Variants in DHRS13 observed in about 807,000 individuals in gnomAD.
DHRS13 encodes dehydrogenase/reductase 13, also known as dehydrogenase/reductase SDR family member 13.
Under a neutral mutation model 17.9 loss-of-function variants are expected in DHRS13, and 22 were observed. That is an observed-to-expected ratio of 1.23 (90% CI 0.88 to 1.75). The LOEUF (loss-of-function observed/expected upper bound fraction) is 1.75. DHRS13 is among the 40% of genes most tolerant of loss of function. DHRS13 has a pLI of 0.00. For missense variants in DHRS13, 483 were observed against 519.9 expected (o/e 0.93, Z 0.69); for synonymous variants, 206 against 220.4 (o/e 0.93, Z 0.58).
chr17:28,898,624 C>G lies in DHRS13; in HGVS notation c.951G>C (p.Glu317Asp). The G allele has an allele frequency of 1.2e-6, 2 of 1,613,674 alleles. No individual in the cohort carries two copies. Among genetic ancestry groups the G allele is most frequent in the Non-Finnish European group, 1.7e-6 (2 of 1,179,888 alleles). ...SKRLAGLGPG[E>D]DAEPDEDPQS... ...GGGGGTCTTCATCGGGTTCAGCATC[C>G]TCCCCAGGCCCAAGCCCTGCCAGCC... Residue 317 changes from glutamate (E) to aspartate (D), a missense_variant, in exon 5 of 5, where the codon GAG becomes GAC. Transcript: ENST00000378895.
chr17:28,898,466 A>G lies in DHRS13; in HGVS notation c.1109T>C (p.Val370Ala). The change falls in exon 5 of 5, where the codon GTT becomes GCT. Residue 370 changes from valine (V) to alanine (A), a missense_variant. Transcript: ENST00000378895. Reference sequence around the variant, plus strand: ...TTAGGAGAGCTGGATCTCAGGCTCAACTTTAGCCTGAATTCGGTGCGTCAT... The same window carrying G: ...TTAGGAGAGCTGGATCTCAGGCTCAGCTTTAGCCTGAATTCGGTGCGTCAT... ...SKMTHRIQAKVEPEIQLS is the reference protein window; with the variant it reads ...SKMTHRIQAKAEPEIQLS The G allele has an allele frequency of 1.9e-6, 3 of 1,564,108 alleles. No homozygotes were observed. Among genetic ancestry groups the G allele is most frequent in the Non-Finnish European group, 2.6e-6 (3 of 1,153,598 alleles).
rs2039780884 is a variant in DHRS13 at position 28,898,673 on chromosome 17, T to C, written c.902A>G (p.His301Arg). The C allele has an allele frequency of 6.2e-7, 1 of 1,613,650 alleles. No homozygotes were observed. Among genetic ancestry groups the C allele is most frequent in the Non-Finnish European group, 8.5e-7 (1 of 1,179,820 alleles). Residue 301 changes from histidine to arginine, a missense_variant, in exon 5 of 5, where the codon CAT becomes CGT. Physicochemically the swap from His to Arg is conservative, Grantham distance 29. Coordinates refer to ENST00000378895, the MANE Select transcript of DHRS13 (RefSeq NM_144683.4). ...CCTCTTGCTGGCCTCCCATAGCCGA[T>C]GGGCTGCCCGGTCGTCTCGGGCAGC... ...PPAARDDRAA[H>R]RLWEASKRLA...
Position 28,901,836 on chromosome 17 carries a change from C to T in DHRS13, c.247-220G>A, listed in dbSNP as rs1032462269. The T allele has an allele frequency of 1.3e-5, 8 of 639,392 alleles. No homozygotes were observed. The highest frequency in any genetic ancestry group is 2.1e-5 in the Non-Finnish European group (8 of 387,262). The allele number at this position is 639,392 out of a possible 1,614,324, so 39.6% of individuals were successfully genotyped here. On this transcript the variant is annotated intron_variant, in intron 2 of 4. Transcript: ENST00000378895. The surrounding 1 kb of genome is among the most constrained non-coding windows in gnomAD (Gnocchi z 4.3). ...TAATCTCTCTGGGTCTCAGTTCTCT[C>T]ACTGCGTAAAGGGAATAATAATAAC...
chr17:28,902,466 G>A lies in DHRS13; in HGVS notation c.246+117C>T. On this transcript the variant is annotated intron_variant, in intron 2 of 4. Transcript: ENST00000378895. The surrounding 1 kb of genome is among the most constrained non-coding windows in gnomAD (Gnocchi z 4.0). ...TCCGTGCACTCCCTCTTCGCGCTCA[G>A]CCGCCCGCGCCGCGCTCTCCTCCCT... is the stretch of plus-strand genomic sequence containing the variant. 9.0e-7 allele frequency: 1 copy of A among 1,115,114 alleles called. No homozygotes were observed. The highest frequency in any genetic ancestry group is 1.2e-6 in the Non-Finnish European group (1 of 845,760). The allele number at this position is 1,115,114 out of a possible 1,614,324, so 69.1% of individuals were successfully genotyped here.
rs1432703890 is a variant in DHRS13 at position 28,898,808 on chromosome 17, C to T, written c.767G>A (p.Arg256Gln). Residue 256 changes from arginine (R) to glutamine (Q), a missense_variant, in exon 5 of 5, where the codon CGG (arginine) becomes CAG (glutamine). Physicochemically the swap from Arg to Gln is conservative, Grantham distance 43 (BLOSUM62 1). Transcript: ENST00000378895. Reference sequence around the variant, plus strand: ...TGTCTGGGCACCCCCTCTTGGTGCCCGGAGCACCAGCCAAGCCAATGGGCG... The same window carrying T: ...TGTCTGGGCACCCCCTCTTGGTGCCTGGAGCACCAGCCAAGCCAATGGGCG... ...LLRPLAWLVL[R>Q]APRGGAQTPL... 41 of 1,609,092 alleles carry T rather than the reference C, an allele frequency of 2.5e-5. No homozygotes were observed. Among genetic ancestry groups the T allele is most frequent in the African/African-American group, 9.4e-5 (7 of 74,774 alleles).
rs534748919 is a variant in DHRS13, at chr17:28,901,014, C to T, written c.658G>A (p.Val220Ile). ...ELANQLEATG[V>I]TCYAAHPGPV... The stretch of plus-strand genomic sequence containing the variant: ...CCTGGGTGGGCTGCATAGCAGGTGA[C>T]GCCAGTGGCCTCAAGCTGGTTGGCG... The change falls in exon 4 of 5, where the codon GTC becomes ATC. Residue 220 changes from valine (V) to isoleucine (I), a missense_variant. Coordinates refer to ENST00000378895, the MANE Select transcript of DHRS13 (RefSeq NM_144683.4). This position sits in a 1 kb window ranked among gnomAD's most constrained non-coding sequence, Gnocchi z 4.3. 2.5e-5 allele frequency: 40 copies of T among 1,604,876 alleles called. No individual in the cohort carries two copies. Among genetic ancestry groups the T allele is most frequent in the South Asian group, 3.3e-5 (3 of 90,042 alleles).
Position 28,902,418 on chromosome 17 carries a change from C to T in DHRS13, c.246+165G>A, listed in dbSNP as rs1156853563. Among the ~76,000 whole-genome samples the T allele has an allele frequency of 6.6e-6, 1 of 152,230 alleles. No individual in the cohort carries two copies. Among genetic ancestry groups the T allele is most frequent in the Non-Finnish European group, 1.5e-5 (1 of 68,046 alleles). On this transcript the variant is annotated intron_variant, in intron 2 of 4. Coordinates refer to ENST00000378895, the MANE Select transcript of DHRS13 (RefSeq NM_144683.4). This position sits in a 1 kb window ranked among gnomAD's most constrained non-coding sequence, Gnocchi z 4.0. ...CCCTCCCCCACTCGGCTCTGGTGCG[C>T]CTTCCTCGGGTGACCCCAGCGCTCC... is the stretch of plus-strand genomic sequence containing the variant.
In DHRS13 at chr17:28,901,792, T is replaced by A. The variant is rs549407210; in HGVS notation, c.247-176A>T. ...CCTGACTTTGCCTTTTACTAAAGTG[T>A]GACCTTGGGCAAGATACTTAATCTC... On this transcript the variant is annotated intron_variant, in intron 2 of 4. Transcript: ENST00000378895. The surrounding 1 kb of genome is among the most constrained non-coding windows in gnomAD (Gnocchi z 4.3). 135 of 1,057,872 alleles carry A rather than the reference T, an allele frequency of 1.3e-4. No homozygotes were observed. The highest frequency in any genetic ancestry group is 1.6e-5 in the Non-Finnish European group (12 of 758,228). The allele number at this position is 1,057,872 out of a possible 1,614,324, so 65.5% of individuals were successfully genotyped here.
rs1235604301 is a variant in DHRS13 at position 28,899,915 on chromosome 17, C to CT, written c.683-1024dup. ...TAGAGACAGGTTTTCTTTTTTTTTT[C>CT]TTTTTTCTTTTTTTTTGAGATGGAG... On this transcript the variant is annotated intron_variant, in intron 4 of 4. Transcript: ENST00000378895. The surrounding 1 kb of genome is among the most constrained non-coding windows in gnomAD (Gnocchi z 4.7). Among the ~76,000 whole-genome samples the CT allele has an allele frequency of 6.7e-6, 1 of 148,208 alleles. No individual in the cohort carries two copies. Among genetic ancestry groups the CT allele is most frequent in the Non-Finnish European group, 1.5e-5 (1 of 66,930 alleles).
Position 28,902,714 on chromosome 17 carries a change from G to A in DHRS13, c.128-13C>T. On this transcript the variant is annotated splice_polypyrimidine_tract_variant and intron_variant, in intron 1 of 4. Coordinates refer to ENST00000378895, the MANE Select transcript of DHRS13 (RefSeq NM_144683.4). This position sits in a 1 kb window ranked among gnomAD's most constrained non-coding sequence, Gnocchi z 4.0. Reference sequence around the variant, plus strand: ...CCGCTGTTGGCGCCTGCGGACCGCGGGCGGGAGCCGAGCTGAGCTGAGCCC... The same window carrying A: ...CCGCTGTTGGCGCCTGCGGACCGCGAGCGGGAGCCGAGCTGAGCTGAGCCC... 2 of 1,354,668 alleles carry A rather than the reference G, an allele frequency of 1.5e-6. No individual in the cohort carries two copies. The highest frequency in any genetic ancestry group is 1.8e-5 in the South Asian group (1 of 55,748). 83.9% of individuals were successfully genotyped at this position (1,354,668 alleles called of 1,614,324 possible).
chr17:28,902,849 G>T lies in DHRS13; in HGVS notation c.96C>A (p.Gly32=), dbSNP rs374516726. The T allele has an allele frequency of 7.7e-6, 12 of 1,550,112 alleles. No individual in the cohort carries two copies. The African/African-American group carries it at 1.4e-4, about 18-fold the overall frequency. ...LVKAPPCGGM[G]NLRGRTAVVT... ...CCACGGCCGTGCGGCCCCGCAGGTT[G>T]CCCATGCCGCCGCACGGCGGGGCCT... Residue 32 remains glycine (G), a synonymous_variant, in exon 1 of 5, where the codon GGC becomes GGA. Transcript: ENST00000378895. This position sits in a 1 kb window ranked among gnomAD's most constrained non-coding sequence, Gnocchi z 4.0.
At position 28,902,606 on chromosome 17, in the gene DHRS13, C is replaced by T. The variant is rs775793723; in HGVS notation, c.223G>A (p.Ala75Thr). ...ACCTGGCGGAGGTCGAAGGCAGCCG[C>T]CTCCCCGCGCTCCTGGCTGCGGCAG... ...LACRSQERGEAAAFDLRQESG... is the reference protein window; with the variant it reads ...LACRSQERGETAAFDLRQESG... The change falls in exon 2 of 5, where the codon GCG becomes ACG. Residue 75 changes from alanine to threonine, a missense_variant. Transcript: ENST00000378895. The surrounding 1 kb of genome is among the most constrained non-coding windows in gnomAD (Gnocchi z 4.0). The T allele has an allele frequency of 1.4e-6, 2 of 1,476,934 alleles. No homozygotes were observed. Among genetic ancestry groups the T allele is most frequent in the Non-Finnish European group, 1.8e-6 (2 of 1,122,500 alleles). The allele number at this position is 1,476,934 out of a possible 1,614,324, so 91.5% of individuals were successfully genotyped here.
Position 28,901,820 on chromosome 17 carries a change from TG to T in DHRS13, c.247-205del, listed in dbSNP as rs1598109448. The stretch of plus-strand genomic sequence containing the variant: ...CCTTGGGCAAGATACTTAATCTCTC[TG>T]GGTCTCAGTTCTCTCACTGCGTAAA... On this transcript the variant is annotated intron_variant, in intron 2 of 4. Transcript: ENST00000378895. This position sits in a 1 kb window ranked among gnomAD's most constrained non-coding sequence, Gnocchi z 4.3. 1 of 729,876 alleles carries T rather than the reference TG, an allele frequency of 1.4e-6. No individual in the cohort carries two copies. The highest frequency in any genetic ancestry group is 2.8e-5 in the East Asian group (1 of 35,278). The allele number at this position is 729,876 out of a possible 1,614,324, so 45.2% of individuals were successfully genotyped here.
At position 28,901,813 on chromosome 17, in the gene DHRS13, ATC is replaced by A; in HGVS notation, c.247-199_247-198del. On this transcript the variant is annotated intron_variant, in intron 2 of 4. Coordinates refer to ENST00000378895, the MANE Select transcript of DHRS13 (RefSeq NM_144683.4). This position sits in a 1 kb window ranked among gnomAD's most constrained non-coding sequence, Gnocchi z 4.3. The stretch of plus-strand genomic sequence containing the variant: ...AGTGTGACCTTGGGCAAGATACTTA[ATC>A]TCTCTGGGTCTCAGTTCTCTCACTG... The A allele has an allele frequency of 1.3e-6, 1 of 795,538 alleles. No homozygotes were observed. Among genetic ancestry groups the A allele is most frequent in the South Asian group, 1.9e-5 (1 of 52,558 alleles). 49.3% of individuals were successfully genotyped at this position (795,538 alleles called of 1,614,324 possible). A position where few individuals can be genotyped will look rare whatever the true frequency, so the allele number is the denominator to read the frequency against.
At position 28,898,451 on chromosome 17, in the gene DHRS13, T is replaced by C; in HGVS notation, c.1124A>G (p.Gln375Arg). The C allele has an allele frequency of 5.8e-6, 9 of 1,556,370 alleles. No homozygotes were observed. Among genetic ancestry groups the C allele is most frequent in the Non-Finnish European group, 7.8e-6 (9 of 1,149,478 alleles). Reference sequence around the variant, plus strand: ...ATCCTGGCCTGAGGGTTAGGAGAGCTGGATCTCAGGCTCAACTTTAGCCTG... The same window carrying C: ...ATCCTGGCCTGAGGGTTAGGAGAGCCGGATCTCAGGCTCAACTTTAGCCTG... ...RIQAKVEPEIQLS is the reference protein window; with the variant it reads ...RIQAKVEPEIRLS The change falls in exon 5 of 5, where the codon CAG becomes CGG. Residue 375 changes from glutamine to arginine, a missense_variant. Transcript: ENST00000378895.
At position 28,898,562 on chromosome 17, in the gene DHRS13, G is replaced by A. The variant is rs770735796; in HGVS notation, c.1013C>T (p.Thr338Ile). 4.3e-6 allele frequency: 7 copies of A among 1,612,230 alleles called. No individual in the cohort carries two copies. Among genetic ancestry groups the A allele is most frequent in the East Asian group, 2.2e-5 (1 of 44,856 alleles). The change falls in exon 5 of 5, where the codon ACC becomes ATC. Residue 338 changes from threonine (T) to isoleucine (I), a missense_variant. Coordinates refer to ENST00000378895, the MANE Select transcript of DHRS13 (RefSeq NM_144683.4). Reference protein sequence around the residue: ...EDSEAPSSLSTPHPEEPTVSQ... With the variant: ...EDSEAPSSLSIPHPEEPTVSQ... ...AACTGTGGGCTCCTCAGGGTGGGGGGTGCTTAGAGAAGATGGGGCCTCTGA... is the reference window on the plus strand; with the variant it reads ...AACTGTGGGCTCCTCAGGGTGGGGGATGCTTAGAGAAGATGGGGCCTCTGA...
chr17:28,898,828 T>C lies in DHRS13; in HGVS notation c.747A>G (p.Pro249=). 1 of 1,609,530 alleles carries C rather than the reference T, an allele frequency of 6.2e-7. No homozygotes were observed. ...GTGCCCGGAGCACCAGCCAAGCCAA[T>C]GGGCGCAAAAGTGGGCGCAGCCATC... ...VPGWLRPLLR[P]LAWLVLRAPR... The change falls in exon 5 of 5, where the codon CCA becomes CCG. Residue 249 remains proline (P), a synonymous_variant. Transcript: ENST00000378895.
Position 28,898,484 on chromosome 17 carries a change from T to G in DHRS13, c.1091A>C (p.His364Pro), listed in dbSNP as rs996717656. ...QSSPDLSKMT[H>P]RIQAKVEPEI... The stretch of plus-strand genomic sequence containing the variant: ...AGGCTCAACTTTAGCCTGAATTCGG[T>G]GCGTCATCTTAGACAAATCTGGTGA... Residue 364 changes from histidine to proline, a missense_variant, in exon 5 of 5, where the codon CAC (histidine) becomes CCC (proline). Physicochemically the swap from His to Pro is moderately conservative, Grantham distance 77. Transcript: ENST00000378895. 26 of 1,582,424 alleles carry G rather than the reference T, an allele frequency of 1.6e-5. No individual in the cohort carries two copies. The highest frequency in any genetic ancestry group is 2.1e-5 in the Non-Finnish European group (25 of 1,163,702).
chr17:28,901,198 C>T lies in DHRS13; in HGVS notation c.474G>A (p.Lys158=). 6.2e-7 allele frequency: 1 copy of T among 1,614,198 alleles called. No individual in the cohort carries two copies. The highest frequency in any genetic ancestry group is 8.5e-7 in the Non-Finnish European group (1 of 1,180,026). Residue 158 remains lysine (K), a synonymous_variant, in exon 4 of 5, where the codon AAG becomes AAA. Coordinates refer to ENST00000378895, the MANE Select transcript of DHRS13 (RefSeq NM_144683.4). This position sits in a 1 kb window ranked among gnomAD's most constrained non-coding sequence, Gnocchi z 4.3. The part of the protein sequence containing the change: ...LLTHLLLPCL[K]ACAPSRVVVV... ...CCACCACGCGGCTAGGGGCACATGC[C>T]TTCAGGCAAGGCAGCAGCAGATGTG...
Sources: allele counts gnomAD v4.1 joint callset (sites outside exome capture counted in the v4.1 genomes callset), GRCh38; gene constraint gnomAD v4.1.1; non-coding constraint Gnocchi (gnomAD v3.1); transcripts MANE v1.5; gene names NCBI Gene and HGNC (gene_info 2026-07-23, HGNC 2026-07-21).